TP53BP1: variants seen among roughly 807,000 people sequenced by gnomAD.
TP53BP1 encodes the protein tumor protein p53 binding protein 1.
Under a neutral mutation model 200.8 loss-of-function variants are expected in TP53BP1, and 61 were observed. The ratio of observed to expected loss-of-function variants is 0.30; its 90% CI spans 0.25 to 0.38. The LOEUF (loss-of-function observed/expected upper bound fraction) is 0.38, where lower values mean the gene tolerates loss of function less well. Ranked by LOEUF, TP53BP1 falls within the 10% of genes least tolerant of loss-of-function variation. The pLI, the probability that TP53BP1 is intolerant of heterozygous loss-of-function variation, is 1.00. For synonymous variants in TP53BP1, 822 were observed against 844.3 expected (o/e 0.97, Z 0.46); for missense variants, 2,144 against 2,371.9 (o/e 0.90, Z 2.00).
chr15:43,421,332 C>G (rs1368183590), intron 19 of TP53BP1, among the ~76,000 whole-genome samples, 158 bp from the exon 20 acceptor site: 1 of 152,180 alleles, frequency 6.6e-6, no homozygotes, highest in African/African-American at 2.4e-5. Context: ...AAATCTCATG[C>G]AGGGAGTGGG....
intron 10 of TP53BP1, among the ~76,000 whole-genome samples, chr15:43,473,992 G>A (rs1246388545): frequency 2.6e-5 from 4 of 152,238 alleles, no homozygotes; most frequent in Non-Finnish European, 5.9e-5. Flanking sequence ...CAGGCATGGC[G>A]GGCTGCAGGT....
intron 18 of TP53BP1, 37 bp from the exon 19 acceptor site, chr15:43,422,163 C>T (rs954319647): frequency 1.3e-6 from 2 of 1,596,908 alleles, no homozygotes; most frequent in Non-Finnish European, 8.5e-7. Flanking sequence ...ATAAAAGATG[C>T]CATAATAACA....
intron 21 of TP53BP1, 98 bp from the exon 22 acceptor site, chr15:43,416,514 T>C: frequency 1.7e-6 from 2 of 1,189,996 alleles, no homozygotes; most frequent in Non-Finnish European, 2.4e-6. Flanking sequence ...TTAGGGAATT[T>C]AGAGATCCAA....
chr15:43,473,257 C>A (rs181845206), intron 10 of TP53BP1, among the ~76,000 whole-genome samples: 83 of 152,186 alleles, frequency 5.5e-4, no homozygotes, highest in African/African-American at 1.6e-3. Context: ...GGGACCCGAG[C>A]GGGTTGCCAC....
At chr15:43,493,271 G>A, upstream of TP53BP1, 1 of 1,395,316 alleles carries the variant, frequency 7.2e-7, no homozygotes, top group Non-Finnish European at 9.4e-7. Flanking sequence ...CCCCACGTAA[G>A]AAAAAGGAAC....
rs757250428 is a variant in TP53BP1, at chr15:43,418,180, T to TAA, written c.4682-1766_4682-1765dup. Among the ~76,000 whole-genome samples, 189 of 100,320 alleles carry TAA rather than the reference T, an allele frequency of 1.9e-3. 2 individuals are homozygous for TAA. Among genetic ancestry groups the TAA allele is most frequent in the African/African-American group, 5.9e-3 (148 of 25,106 alleles). The allele number at this position is 100,320 out of a possible 152,430, so 65.8% of individuals were successfully genotyped here. On this transcript the variant is annotated intron_variant, in intron 21 of 27. Transcript: ENST00000382044. ...GGGCGACAGAGCAAGGCTCTGTTTTTAAAAAAAAAAAAAAAAAAAAAAAAA... is the reference window on the plus strand; with the variant it reads ...GGGCGACAGAGCAAGGCTCTGTTTTTAAAAAAAAAAAAAAAAAAAAAAAAAAA...
intron 18 of TP53BP1, among the ~76,000 whole-genome samples, chr15:43,427,017 CAAAA>C (rs1230749433): frequency 7.4e-5 from 5 of 67,668 alleles, no homozygotes; most frequent in Admixed American, 1.8e-4. Flanking sequence ...GACTCTGCCT[CAAAA>C]AAAAAAAAAA....
At position 43,409,704 on chromosome 15, in the gene TP53BP1, T is replaced by C. The variant is rs1595517639; in HGVS notation, c.5343A>G (p.Thr1781=). 6.4e-7 allele frequency: 1 copy of C among 1,574,120 alleles called. No homozygotes were observed. ...LEIPPFNKQY[T]ESQLRAGAGY... ...CAGCTCCTGCTCGAAGCTGGGATTC[T>C]GTATACTGCTTGTTGAAAGGAGGAA... is the stretch of plus-strand genomic sequence containing the variant. Residue 1781 remains threonine (T), a synonymous_variant, in exon 25 of 28, where the codon ACA becomes ACG. Coordinates refer to ENST00000382044, the MANE Select transcript of TP53BP1 (RefSeq NM_001141980.3).
At chr15:43,502,661 A>C (rs1415363488) in intron 1 of TP53BP1, among the ~76,000 whole-genome samples, 4 of 147,106 alleles carry the variant, frequency 2.7e-5, no homozygotes, top group African/African-American at 1.0e-4. Flanking sequence ...GGGTTTCACT[A>C]TGTTAGCCAA....
chr15:43,421,523 A>G, intron 19 of TP53BP1: 2 of 469,572 alleles, frequency 4.3e-6, no homozygotes, highest in African/African-American at 1.9e-5. Context: ...AGTTTGGGCT[A>G]CTATCCCAAA....
At chr15:43,451,429 G>C (rs1170957143) in intron 12 of TP53BP1, among the ~76,000 whole-genome samples, 4 of 150,668 alleles carry the variant, frequency 2.7e-5, no homozygotes, top group African/African-American at 9.8e-5. Flanking sequence ...GTGAGAACAT[G>C]CGGTGTTTGG....
chr15:43,449,211 T>A (rs558906905), intron 12 of TP53BP1, among the ~76,000 whole-genome samples: 2 of 152,276 alleles, frequency 1.3e-5, no homozygotes, highest in South Asian at 2.1e-4. Flanking sequence ...CTGACAGACA[T>A]CCACCATAGT....
upstream of TP53BP1, among the ~76,000 whole-genome samples, chr15:43,497,953 G>A (rs1293323756): frequency 6.6e-6 from 1 of 152,078 alleles, no homozygotes; most frequent in Non-Finnish European, 1.5e-5. Flanking sequence ...TTAAAGATGT[G>A]TACTTAGATC....
At chr15:43,494,364 A>G (rs879892826), upstream of TP53BP1, among the ~76,000 whole-genome samples, 18 of 152,310 alleles carry the variant, frequency 1.2e-4, no homozygotes, top group Admixed American at 8.5e-4. Flanking sequence ...GCTGCTATAA[A>G]TTACAGTGAT....
Position 43,413,316 on chromosome 15 carries a change from T to A in TP53BP1, c.5108A>T (p.Glu1703Val). The change falls in exon 24 of 28, where the codon GAG becomes GTG. Residue 1703 changes from glutamate (E) to valine (V), a missense_variant. By Grantham distance (121) the Glu-to-Val change is moderately radical (BLOSUM62 -2). This residue lies in a region of TP53BP1 where 334 missense variants were observed against 453.4 expected (regional missense o/e 0.74). Coordinates refer to ENST00000382044, the MANE Select transcript of TP53BP1 (RefSeq NM_001141980.3). ...TVKPGAVGAG[E>V]FVSPCESGDN... is the part of the protein sequence containing the mutation. ...TCCACTCTCACAGGGGCTCACAAAC[T>A]CTCCTGCCCCTACTGCACCTGGGAA... 1 of 1,613,910 alleles carries A rather than the reference T, an allele frequency of 6.2e-7. No individual in the cohort carries two copies. The highest frequency in any genetic ancestry group is 1.7e-5 in the Admixed American group (1 of 59,990).
At position 43,413,228 on chromosome 15, in the gene TP53BP1, G is replaced by C; in HGVS notation, c.5196C>G (p.Thr1732=). The change falls in exon 24 of 28, where the codon ACC becomes ACG. Residue 1732 remains threonine (T), a synonymous_variant. Transcript: ENST00000382044. ...EQRGPLPLNK[T]LFLGYAFLLT... is the part of the protein sequence containing the mutation. ...GGAGAAATGCGTAGCCCAGAAACAAGGTCTTGTTGAGAGGCAAAGGCCCTC... is the reference window on the plus strand; with the variant it reads ...GGAGAAATGCGTAGCCCAGAAACAACGTCTTGTTGAGAGGCAAAGGCCCTC... 6.2e-7 allele frequency: 1 copy of C among 1,614,182 alleles called. No individual in the cohort carries two copies. The highest frequency in any genetic ancestry group is 1.1e-5 in the South Asian group (1 of 91,078).
At position 43,503,572 on chromosome 15, in the gene TP53BP1, T is replaced by C. The variant is rs1198206161; in HGVS notation, c.-9+6798A>G. On this transcript the variant is annotated intron_variant, in intron 1 of 27. Coordinates refer to the TP53BP1 transcript ENST00000263801. ...TACTCGGGAGGCTGAGGCAGGAGAATTGTTTGAACCCGGGAGGCGGAGGTT... is the reference window on the plus strand; with the variant it reads ...TACTCGGGAGGCTGAGGCAGGAGAACTGTTTGAACCCGGGAGGCGGAGGTT... Among the ~76,000 whole-genome samples, 7 of 152,260 alleles carry C rather than the reference T, an allele frequency of 4.6e-5. No homozygotes were observed. The East Asian group carries it at 1.4e-3, about 29-fold the overall frequency.
At chr15:43,475,805 TC>T in intron 8 of TP53BP1, 111 bp from the exon 9 acceptor site, 1 of 1,319,892 alleles carries the variant, frequency 7.6e-7, no homozygotes, top group South Asian at 1.4e-5. Context: ...TTTCCATATT[TC>T]CAAAAGGGCA....
chr15:43,429,497 A>C (rs2142996862), intron 17 of TP53BP1, among the ~76,000 whole-genome samples: 1 of 152,294 alleles, frequency 6.6e-6, no homozygotes, highest in African/African-American at 2.4e-5. Context: ...AAAGTAGCCA[A>C]GTCTTTAAAA....
Sources: allele counts gnomAD v4.1 joint callset (sites outside exome capture counted in the v4.1 genomes callset), GRCh38; gene constraint gnomAD v4.1.1; regional missense constraint gnomAD v4.1.1; transcripts MANE v1.5; gene names NCBI Gene and HGNC (gene_info 2026-07-23, HGNC 2026-07-21).